The following ZBTB7C variants were observed in gnomAD, a reference collection of about 807,000 sequenced individuals.
ZBTB7C encodes zinc finger and BTB domain containing 7C, also known as zinc finger and BTB domain-containing protein 7C.
In ZBTB7C, 8 loss-of-function variants were observed where a neutral mutation model predicts 25.7. The observed-to-expected ratio is 0.31, with a 90% CI of 0.18 to 0.56. The LOEUF is 0.56. ZBTB7C is among the 20% of genes least tolerant of loss of function. The probability of loss-of-function intolerance (pLI) is 0.91; values close to 1 mark genes in which losing one functional copy is unlikely to be tolerated. For synonymous variants in ZBTB7C, 394 were observed against 369.0 expected, an observed-to-expected ratio of 1.07 and a Z score of -0.78; for missense variants, 824 against 855.2, an observed-to-expected ratio of 0.96 and a Z score of 0.46.
chr18:48,245,079 AGTGT>A (rs375402994), intron 2 of ZBTB7C, among the ~76,000 whole-genome samples: 14,672 of 66,364 alleles, frequency 0.22, 1,060 homozygotes, highest in African/African-American at 0.32. Context: ...AAAAAAAAGT[AGTGT>A]GTGTGTGTGT....
chr18:48,307,336 T>G (rs1456498414), intron 2 of ZBTB7C, among the ~76,000 whole-genome samples: 1 of 152,214 alleles, frequency 6.6e-6, no homozygotes, highest in Non-Finnish European at 1.5e-5. Flanking sequence ...ACTGTCACCA[T>G]AAACTGTCAA....
chr18:48,260,302 T>C (rs2044134715), intron 2 of ZBTB7C, among the ~76,000 whole-genome samples: 1 of 152,222 alleles, frequency 6.6e-6, no homozygotes. Flanking sequence ...TAATCTGTAA[T>C]GACAGAAAGA....
At chr18:48,302,561 AATTTTTCTC>A (rs1568363505) in intron 2 of ZBTB7C, among the ~76,000 whole-genome samples, 1 of 152,196 alleles carries the variant, frequency 6.6e-6, no homozygotes, top group Non-Finnish European at 1.5e-5. Context: ...CAGGCAAAAT[AATTTTTCTC>A]ATTGCACAGC....
intron 1 of ZBTB7C, among the ~76,000 whole-genome samples, chr18:48,367,320 G>A (rs2047261738): frequency 8.4e-6 from 1 of 119,358 alleles, no homozygotes. Context: ...ATACATATAT[G>A]TGTGTATATA....
chr18:48,125,488 C>G (rs1475940202), intron 3 of ZBTB7C, among the ~76,000 whole-genome samples: 1 of 152,238 alleles, frequency 6.6e-6, no homozygotes, highest in East Asian at 1.9e-4. Context: ...GGTGCATGGA[C>G]AGCCCTCTGT....
At chr18:48,120,248 G>T (rs943423104) in intron 3 of ZBTB7C, among the ~76,000 whole-genome samples, 19 of 152,274 alleles carry the variant, frequency 1.2e-4, no homozygotes, top group Admixed American at 1.3e-4. Context: ...GTGTGGGAAG[G>T]CTCCGAGCAG....
rs1443068126 is a variant in ZBTB7C at position 48,349,626 on chromosome 18, T to C, written c.-303-11228A>G. ...TGCTAAACGCTGGAGGAGGAAAGTT[T>C]AAAGTAGAATCAAGCTTTTCCAGAG... On this transcript the variant is annotated intron_variant, in intron 1 of 4. Coordinates refer to ENST00000590800, the MANE Select transcript of ZBTB7C (RefSeq NM_001318841.2). Among the ~76,000 whole-genome samples, 5 of 152,314 alleles carry C rather than the reference T, an allele frequency of 3.3e-5. No homozygotes were observed. In the East Asian group the frequency reaches 9.6e-4, roughly 29 times the overall value.
chr18:48,261,306 G>A (rs1173132659), intron 2 of ZBTB7C, among the ~76,000 whole-genome samples: 2 of 152,192 alleles, frequency 1.3e-5, no homozygotes, highest in South Asian at 2.1e-4. Flanking sequence ...GGCACCGTGT[G>A]CAGACAGGGG....
chr18:48,270,994 C>G (rs1446171619), intron 2 of ZBTB7C, among the ~76,000 whole-genome samples: 2 of 151,990 alleles, frequency 1.3e-5, no homozygotes, highest in Non-Finnish European at 2.9e-5. Context: ...TAGAAGAACA[C>G]AATTTTCTTT....
intron 2 of ZBTB7C, among the ~76,000 whole-genome samples, chr18:48,192,290 G>A (rs893369180): frequency 6.6e-6 from 1 of 152,192 alleles, no homozygotes; most frequent in African/African-American, 2.4e-5. Context: ...AAGATCAGTG[G>A]TTGCCAGGGG....
chr18:48,390,434 A>G (rs1360903018), intron 1 of ZBTB7C, among the ~76,000 whole-genome samples: 1 of 152,262 alleles, frequency 6.6e-6, no homozygotes, highest in Admixed American at 6.5e-5. Context: ...ACATATAACA[A>G]AAGTAAGACA....
At chr18:48,076,106 G>C (rs539417779) in intron 3 of ZBTB7C, among the ~76,000 whole-genome samples, 1 of 152,160 alleles carries the variant, frequency 6.6e-6, no homozygotes, top group African/African-American at 2.4e-5. Flanking sequence ...GGTGCTGCAA[G>C]AATGAAAAAT....
In ZBTB7C at chr18:48,029,145, C is replaced by T; in HGVS notation, c.*115G>A. Reference sequence around the variant, plus strand: ...TCACTGATAGTATTATTATTATTTTCCCATTTTCCCTTTGTGTTTTTAAAA... The same window carrying T: ...TCACTGATAGTATTATTATTATTTTTCCATTTTCCCTTTGTGTTTTTAAAA... On this transcript the variant is annotated 3_prime_UTR_variant, in exon 5 of 5. Coordinates refer to ENST00000590800, the MANE Select transcript of ZBTB7C (RefSeq NM_001318841.2). 7.6e-7 allele frequency: 1 copy of T among 1,322,298 alleles called. No individual in the cohort carries two copies. The highest frequency in any genetic ancestry group is 1.0e-6 in the Non-Finnish European group (1 of 1,000,788). The allele number at this position is 1,322,298 out of a possible 1,614,324, so 81.9% of individuals were successfully genotyped here. A position where few individuals can be genotyped will look rare whatever the true frequency, so the allele number is the denominator to read the frequency against.
chr18:48,190,889 C>A (rs1256403854), intron 2 of ZBTB7C, among the ~76,000 whole-genome samples: 2 of 152,220 alleles, frequency 1.3e-5, no homozygotes, highest in Admixed American at 6.5e-5. Flanking sequence ...ACCACCCAAT[C>A]TGCACTAACC....
chr18:48,282,830 G>A (rs750667911), intron 2 of ZBTB7C, among the ~76,000 whole-genome samples: 11 of 152,202 alleles, frequency 7.2e-5, no homozygotes, highest in Admixed American at 2.0e-4. Context: ...TTAAAAGTCA[G>A]GACAATGGTT....
intron 2 of ZBTB7C, among the ~76,000 whole-genome samples, chr18:48,292,497 C>T (rs1291932401): frequency 3.9e-5 from 6 of 152,178 alleles, no homozygotes; most frequent in East Asian, 1.9e-4. Context: ...ACTCCCTCCT[C>T]CTGCGCCTGT....
rs556216614 is a variant in ZBTB7C, at chr18:48,319,724, T to C, written c.-79+18450A>G. On this transcript the variant is annotated intron_variant, in intron 2 of 4. Transcript: ENST00000590800. ...GGGAATGTTTGGATGTAGGCATTTG[T>C]CCAATCTTAGCTTTGTTTTGGGCAA... Among the ~76,000 whole-genome samples, 15 of 152,346 alleles carry C rather than the reference T, an allele frequency of 9.8e-5. No individual in the cohort carries two copies. In the South Asian group the frequency reaches 2.5e-3, roughly 25 times the overall value.
intron 3 of ZBTB7C, among the ~76,000 whole-genome samples, chr18:48,100,787 G>A (rs2038801110): frequency 6.6e-6 from 1 of 152,160 alleles, no homozygotes; most frequent in East Asian, 1.9e-4. Flanking sequence ...GGGAGGGGGA[G>A]GCAGGCTTGC....
chr18:48,063,725 A>T (rs575495562), intron 3 of ZBTB7C, among the ~76,000 whole-genome samples: 3 of 152,168 alleles, frequency 2.0e-5, no homozygotes, highest in Non-Finnish European at 2.9e-5. Flanking sequence ...TGAGAGGTGT[A>T]TGGGGCTATG....
Sources: gnomAD v4.1 joint callset for allele counts (sites outside exome capture counted in the v4.1 genomes callset) on GRCh38, gnomAD v4.1.1 for gene constraint, MANE v1.5 for transcripts, NCBI Gene and HGNC (gene_info 2026-07-23, HGNC 2026-07-21) for gene names.